MAEA: variants seen among roughly 807,000 people sequenced by gnomAD.
The protein encoded by MAEA is E3 ubiquitin-protein transferase MAEA.
MAEA carries 22 observed loss-of-function variants against 46.2 expected under a neutral mutation model. That is an observed-to-expected ratio of 0.48 (90% CI 0.34 to 0.68). The LOEUF (loss-of-function observed/expected upper bound fraction) is 0.68. MAEA is among the 30% of genes least tolerant of loss of function. The pLI is 0.01. For synonymous variants in MAEA, 246 were observed against 222.6 expected (o/e 1.11, Z -0.94); for missense variants, 393 against 558.1 (o/e 0.70, Z 2.98).
intron 4 of MAEA, among the ~76,000 whole-genome samples, chr4:1,324,120 A>G (rs1203129377): frequency 6.7e-6 from 1 of 149,906 alleles, no homozygotes; most frequent in Non-Finnish European, 1.5e-5. Flanking sequence ...CTGGTATTGG[A>G]TGAAGTTGAG....
chr4:1,316,365 A>T (rs1737169746), intron 3 of MAEA, among the ~76,000 whole-genome samples: 1 of 151,532 alleles, frequency 6.6e-6, no homozygotes, highest in Admixed American at 6.6e-5. Flanking sequence ...CCAGACCAGC[A>T]CTTGGGCCCG....
intron 6 of MAEA, among the ~76,000 whole-genome samples, chr4:1,336,199 T>C (rs1712734345): frequency 6.7e-6 from 1 of 150,044 alleles, no homozygotes; most frequent in Non-Finnish European, 1.5e-5. Flanking sequence ...GTTCCAGCAC[T>C]CGTCCCGCAG....
intron 1 of MAEA, among the ~76,000 whole-genome samples, chr4:1,298,395 C>T (rs1252957108): frequency 2.6e-5 from 4 of 151,938 alleles, no homozygotes; most frequent in Non-Finnish European, 4.4e-5. Context: ...AAGAGGCACA[C>T]GCGCCGTCTT....
chr4:1,332,842 G>A lies in MAEA; in HGVS notation c.742G>A (p.Asp248Asn), dbSNP rs776098196. ...CATGGGCATGCTGGCCTTCCCGCCC[G>A]ACACGCACATCTCCCCGTACAAGGT... The part of the protein sequence containing the change: ...QAMGMLAFPP[D>N]THISPYKDLL... The change falls in exon 6 of 9, where the codon GAC becomes AAC. Residue 248 changes from aspartate (D) to asparagine (N), a missense_variant. Transcript: ENST00000303400. 1.2e-5 allele frequency: 19 copies of A among 1,612,744 alleles called. No homozygotes were observed. Among genetic ancestry groups the A allele is most frequent in the Middle Eastern group, 1.6e-4 (1 of 6,080 alleles).
At chr4:1,333,916 TCACCCCCATGCC>T (rs546454850) in intron 6 of MAEA, among the ~76,000 whole-genome samples, 741 of 24,004 alleles carry the variant, frequency 0.031, 114 homozygotes, top group African/African-American at 0.13. Context: ...CCACCTGTGC[TCACCCCCATGCC>T]CACTCCCGTG....
In MAEA at chr4:1,327,677, G is replaced by T. The variant is rs1190060929; in HGVS notation, c.630G>T (p.Arg210=). The T allele has an allele frequency of 4.3e-6, 7 of 1,613,788 alleles. No homozygotes were observed. The Admixed American group carries it at 6.7e-5, about 15-fold the overall frequency. The change falls in exon 5 of 9, where the codon CGG becomes CGT. Residue 210 remains arginine (R), a synonymous_variant. Coordinates refer to ENST00000303400, the MANE Select transcript of MAEA (RefSeq NM_001017405.3). The part of the protein sequence containing the change: ...LRIQEFIELI[R]QNKRLDAVRH... Reference sequence around the variant, plus strand: ...TCCAGGAGTTCATTGAACTCATCCGGCAGAATAAGAGACTGGACGCTGTGA... The same window carrying T: ...TCCAGGAGTTCATTGAACTCATCCGTCAGAATAAGAGACTGGACGCTGTGA...
At chr4:1,315,880 C>T (rs1216565349) in intron 3 of MAEA, among the ~76,000 whole-genome samples, 1 of 49,774 alleles carries the variant, frequency 2.0e-5, no homozygotes, top group South Asian at 8.8e-4. Flanking sequence ...TGTGCCCCCC[C>T]CCCCCCAATG....
intron 1 of MAEA, chr4:1,309,595 G>A: frequency 1.3e-6 from 2 of 1,507,060 alleles, no homozygotes; most frequent in Non-Finnish European, 1.8e-6. Flanking sequence ...GAGGCAGGGA[G>A]GTGGGAGGAG....
At chr4:1,315,659 C>A in intron 3 of MAEA, 59 bp downstream of exon 3, 1 of 1,551,610 alleles carries the variant, frequency 6.4e-7, no homozygotes, top group Admixed American at 1.7e-5. Context: ...TATGGCCAGC[C>A]GCCCTGTGGC....
chr4:1,332,413 T>G (rs2109000110), intron 5 of MAEA: 1 of 204,744 alleles, frequency 4.9e-6, no homozygotes, highest in East Asian at 1.6e-4. Context: ...TTAGCTCAGA[T>G]TTTTCAACTT....
chr4:1,305,380 C>T (rs1224412479), intron 1 of MAEA, among the ~76,000 whole-genome samples: 7 of 152,180 alleles, frequency 4.6e-5, no homozygotes, highest in Non-Finnish European at 8.8e-5. Flanking sequence ...CGCGGCCCTC[C>T]GTCTGATTGC....
At chr4:1,324,005 G>A (rs1738479823) in intron 4 of MAEA, among the ~76,000 whole-genome samples, 1 of 151,822 alleles carries the variant, frequency 6.6e-6, no homozygotes, top group African/African-American at 2.4e-5. Flanking sequence ...GTTGAGATTG[G>A]ATGAGCGTGC....
At chr4:1,335,697 C>G (rs1364391304) in intron 6 of MAEA, 2 of 977,022 alleles carry the variant, frequency 2.0e-6, no homozygotes, top group Non-Finnish European at 1.2e-6. Context: ...GTGTTGAAAC[C>G]ACAGAGTTAA....
rs943005321 is a variant in MAEA, at chr4:1,339,649, A to G, written c.*480A>G. On this transcript the variant is annotated 3_prime_UTR_variant, in exon 9 of 9. Coordinates refer to ENST00000303400, the MANE Select transcript of MAEA (RefSeq NM_001017405.3). ...CAGTGACCCGCGATGCCGCGCCACG[A>G]GGGACACTTATGGCTTCATTCGAGA... 9.4e-5 allele frequency: 15 copies of G among 159,180 alleles called. No homozygotes were observed. The highest frequency in any genetic ancestry group is 2.9e-4 in the African/African-American group (12 of 41,532). The allele number at this position is 159,180 out of a possible 1,614,324, so 9.9% of individuals were successfully genotyped here.
intron 1 of MAEA, among the ~76,000 whole-genome samples, chr4:1,292,886 C>CTTTTTTTT (rs34802084): frequency 1.6e-4 from 20 of 128,358 alleles, no homozygotes; most frequent in African/African-American, 4.7e-4. Context: ...AACTCACCAT[C>CTTTTTTTT]TTTTTTTTTT....
intron 5 of MAEA, chr4:1,328,866 T>A (rs1475804087): frequency 1.9e-6 from 2 of 1,037,582 alleles, no homozygotes. Flanking sequence ...TGCAACGAGG[T>A]CCCTTCTGTG....
chr4:1,333,118 T>A (rs577115236), intron 6 of MAEA, among the ~76,000 whole-genome samples: 1 of 152,224 alleles, frequency 6.6e-6, no homozygotes, highest in East Asian at 1.9e-4. Context: ...GGAGGACTGC[T>A]TGAGCCCAGG....
At chr4:1,304,463 C>T (rs1049869130) in intron 1 of MAEA, among the ~76,000 whole-genome samples, 14 of 152,150 alleles carry the variant, frequency 9.2e-5, no homozygotes, top group East Asian at 1.9e-4. Flanking sequence ...TTATTTGAGA[C>T]GGAGTCTCGC....
chr4:1,296,794 C>T (rs988734286), intron 1 of MAEA, among the ~76,000 whole-genome samples: 3 of 152,174 alleles, frequency 2.0e-5, no homozygotes, highest in Non-Finnish European at 2.9e-5. Context: ...CAGTCCACAG[C>T]GGACCCCACT....
Sources: gnomAD v4.1 joint callset for allele counts (sites outside exome capture counted in the v4.1 genomes callset) on GRCh38, gnomAD v4.1.1 for gene constraint, MANE v1.5 for transcripts, NCBI Gene and HGNC (gene_info 2026-07-23, HGNC 2026-07-21) for gene names.